The following VAV1 variants were observed in gnomAD, a reference collection of about 807,000 sequenced individuals.
VAV1 encodes the protein proto-oncogene vav.
VAV1 carries 33 observed loss-of-function variants against 128.1 expected under a neutral mutation model. That is an observed-to-expected ratio of 0.26 (90% CI 0.20 to 0.34). The LOEUF is 0.34. Among genes scored for constraint, VAV1 ranks in the 10% least tolerant of loss-of-function variants. The probability of loss-of-function intolerance (pLI) is 1.00; values close to 1 mark genes in which losing one functional copy is unlikely to be tolerated. For missense variants in VAV1, 715 were observed against 1,093.7 expected (o/e 0.65, Z 4.88); for synonymous variants, 394 against 409.8 (o/e 0.96, Z 0.47).
intron 21 of VAV1, 131 bp downstream of exon 21, chr19:6,837,181 T>A: frequency 1.1e-6 from 1 of 894,580 alleles, no homozygotes; most frequent in Non-Finnish European, 1.7e-6. Context: ...TTTCTCTAAC[T>A]CAAGGCTTCA....
At chr19:6,783,301 CA>C (rs1482714772) in intron 1 of VAV1, among the ~76,000 whole-genome samples, 1 of 152,138 alleles carries the variant, frequency 6.6e-6, no homozygotes, top group Non-Finnish European at 1.5e-5. Flanking sequence ...GGGTCAATGT[CA>C]GGGGTTGGGG....
chr19:6,847,613 C>G (rs914234744), intron 22 of VAV1, among the ~76,000 whole-genome samples: 1 of 152,154 alleles, frequency 6.6e-6, no homozygotes, highest in Non-Finnish European at 1.5e-5. Context: ...TTACATTTTG[C>G]ACCTGAGGCT....
chr19:6,807,582 G>A (rs1166693112), intron 1 of VAV1, among the ~76,000 whole-genome samples: 6 of 152,084 alleles, frequency 3.9e-5, no homozygotes, highest in Non-Finnish European at 8.8e-5. Context: ...CCGGTACCAG[G>A]AGGCTTGTAC....
chr19:6,817,095 C>T (rs1466251993), intron 1 of VAV1, among the ~76,000 whole-genome samples: 2 of 151,746 alleles, frequency 1.3e-5, no homozygotes, highest in African/African-American at 4.8e-5. Flanking sequence ...GTTGCCCAGG[C>T]TGGAGTGCAG....
At position 6,777,074 on chromosome 19, in the gene VAV1, A is replaced by G. The variant is rs575805019; in HGVS notation, c.204+4063A>G. Among the ~76,000 whole-genome samples the G allele has an allele frequency of 1.5e-4, 23 of 151,438 alleles. No individual in the cohort carries two copies. Among genetic ancestry groups the G allele is most frequent in the African/African-American group, 4.6e-4 (19 of 41,298 alleles). ...CGGCCCATCCATTCATCTATCTATC[A>G]TCCACCTGCCCACCCACCCATCCAT... On this transcript the variant is annotated intron_variant, in intron 1 of 26. Transcript: ENST00000602142. The surrounding 1 kb of genome is among the most constrained non-coding windows in gnomAD (Gnocchi z 4.4).
intron 6 of VAV1, among the ~76,000 whole-genome samples, chr19:6,824,674 C>T (rs551117999): frequency 3.5e-4 from 54 of 152,118 alleles, no homozygotes; most frequent in African/African-American, 8.7e-4. Context: ...TGGGATCACA[C>T]GCATCTGCCA....
Position 6,826,612 on chromosome 19 carries a change from G to C in VAV1, c.828G>C (p.Arg276Ser). The C allele has an allele frequency of 6.4e-7, 1 of 1,552,612 alleles. No homozygotes were observed. Among genetic ancestry groups the C allele is most frequent in the African/African-American group, 1.4e-5 (1 of 73,266 alleles). The change falls in exon 9 of 27, where the codon AGG becomes AGC. Residue 276 changes from arginine (R) to serine (S), a missense_variant and splice_region_variant. By Grantham distance (110) the Arg-to-Ser change is moderately radical. Coordinates refer to ENST00000602142, the MANE Select transcript of VAV1 (RefSeq NM_005428.4). This position sits in a 1 kb window ranked among gnomAD's most constrained non-coding sequence, Gnocchi z 4.1. Reference sequence around the variant, plus strand: ...CTGGTGGCCTGTCTTCTCCCTGTAGGTTCCTCGTCTATGGCCGCTACTGCA... The same window carrying C: ...CTGGTGGCCTGTCTTCTCCCTGTAGCTTCCTCGTCTATGGCCGCTACTGCA... Reference protein sequence around the residue: ...LYQVFIKYKERFLVYGRYCSQ... With the variant: ...LYQVFIKYKESFLVYGRYCSQ...
At chr19:6,788,596 T>TGAATGACC (rs1195421417) in intron 1 of VAV1, among the ~76,000 whole-genome samples, 2 of 152,046 alleles carry the variant, frequency 1.3e-5, no homozygotes, top group East Asian at 3.9e-4. Context: ...AGGCTGGTCT[T>TGAATGACC]GAATGACCTC....
chr19:6,829,376 G>T (rs551168328), intron 13 of VAV1, among the ~76,000 whole-genome samples: 6 of 151,538 alleles, frequency 4.0e-5, no homozygotes, highest in Admixed American at 2.6e-4. Flanking sequence ...GCTCCTAGAT[G>T]GACAGGTGGG....
rs111384355 is a variant in VAV1 at position 6,833,570 on chromosome 19, A to G, written c.1653A>G (p.Ala551=). 1 of 1,612,876 alleles carries G rather than the reference A, an allele frequency of 6.2e-7. No individual in the cohort carries two copies. Residue 551 remains alanine, a synonymous_variant, in exon 17 of 27, where the codon GCA becomes GCG. Coordinates refer to ENST00000602142, the MANE Select transcript of VAV1 (RefSeq NM_005428.4). ...GCTACCGCTGCCATCGGTGCCGGGC[A>G]TCTGCACACAAGGAGTGTCTGGGGA... ...YQGYRCHRCR[A]SAHKECLGRV... is the part of the protein sequence containing the mutation.
In VAV1 at chr19:6,820,832, T is replaced by C. The variant is rs779532513; in HGVS notation, c.321+14T>C. The C allele has an allele frequency of 2.4e-5, 39 of 1,608,288 alleles. No individual in the cohort carries two copies. The Admixed American group carries it at 6.3e-4, about 26-fold the overall frequency. ...GATTTTGGCAAGGTGAGCTGCACAC[T>C]TGAAGCCCAAAGACTGAGTTTCAGT... On this transcript the variant is annotated intron_variant, in intron 2 of 26. Coordinates refer to ENST00000602142, the MANE Select transcript of VAV1 (RefSeq NM_005428.4). This position sits in a 1 kb window ranked among gnomAD's most constrained non-coding sequence, Gnocchi z 4.4.
intron 1 of VAV1, among the ~76,000 whole-genome samples, chr19:6,798,052 A>G (rs9917111): frequency 0.96 from 146,549 of 152,192 alleles, 70,595 homozygotes; most frequent in East Asian, 1. Context: ...CGAGGTGGGC[A>G]AATCACTTGA....
intron 25 of VAV1, 135 bp downstream of exon 25, chr19:6,853,214 A>G (rs1972710593): frequency 2.5e-6 from 1 of 404,380 alleles, no homozygotes; most frequent in Admixed American, 4.0e-5. Context: ...ACCCCTTTCC[A>G]CTCCTGTCTA....
intron 1 of VAV1, among the ~76,000 whole-genome samples, chr19:6,796,091 C>A (rs1408913336): frequency 3.3e-5 from 5 of 152,152 alleles, no homozygotes; most frequent in Non-Finnish European, 7.3e-5. Flanking sequence ...TAGAGATATA[C>A]CCTGGTGATC....
At chr19:6,832,320 C>T (rs1208296454) in intron 15 of VAV1, 120 bp downstream of exon 15, 2 of 902,280 alleles carry the variant, frequency 2.2e-6, no homozygotes, top group South Asian at 1.7e-5. Context: ...ACCACAGTCT[C>T]TTCATTTGGG....
At chr19:6,774,357 C>T (rs1279687802) in intron 1 of VAV1, among the ~76,000 whole-genome samples, 9 of 149,746 alleles carry the variant, frequency 6.0e-5, no homozygotes, top group African/African-American at 7.4e-5. Context: ...CTCGATCTCC[C>T]GACCTCATGA....
chr19:6,802,816 C>G (rs1168598128), intron 1 of VAV1, among the ~76,000 whole-genome samples: 3 of 152,156 alleles, frequency 2.0e-5, no homozygotes, highest in Non-Finnish European at 2.9e-5. Context: ...TGGGCAGTAT[C>G]CCCTCTCTGA....
chr19:6,838,835 C>A (rs1013524972), intron 21 of VAV1, among the ~76,000 whole-genome samples: 3 of 152,056 alleles, frequency 2.0e-5, no homozygotes, highest in Non-Finnish European at 2.9e-5. Flanking sequence ...CTCAAGCAAT[C>A]CTCCCACCTC....
Position 6,822,980 on chromosome 19 carries a change from A to C in VAV1, c.654+466A>C, listed in dbSNP as rs967076291. ...AATAATATATACAATATATAAATAT[A>C]TAAAATATAAAATGTAGATATATTG... On this transcript the variant is annotated intron_variant, in intron 6 of 26. Coordinates refer to ENST00000602142, the MANE Select transcript of VAV1 (RefSeq NM_005428.4). The surrounding 1 kb of genome is among the most constrained non-coding windows in gnomAD (Gnocchi z 5.9). 6.8e-6 allele frequency among the ~76,000 whole-genome samples: 1 copy of C among 147,818 alleles called. No homozygotes were observed. The highest frequency in any genetic ancestry group is 2.5e-5 in the African/African-American group (1 of 40,808).
Sources: gnomAD v4.1 joint callset for allele counts (sites outside exome capture counted in the v4.1 genomes callset) on GRCh38, gnomAD v4.1.1 for gene constraint, Gnocchi (gnomAD v3.1) non-coding constraint, MANE v1.5 for transcripts, NCBI Gene and HGNC (gene_info 2026-07-23, HGNC 2026-07-21) for gene names.